PLOD1: variants seen among roughly 807,000 people sequenced by gnomAD.
PLOD1 encodes the protein procollagen-lysine,2-oxoglutarate 5-dioxygenase 1, also known as lysine hydroxylase.
PLOD1 carries 70 observed loss-of-function variants against 94.7 expected under a neutral mutation model. The ratio of observed to expected loss-of-function variants is 0.74; its 90% CI spans 0.61 to 0.90. The LOEUF (loss-of-function observed/expected upper bound fraction) is 0.90, where lower values mean the gene tolerates loss of function less well. PLOD1 is among the 40% of genes least tolerant of loss of function. The pLI, the probability that PLOD1 is intolerant of heterozygous loss-of-function variation, is 0.00. For missense variants in PLOD1, 905 were observed against 972.7 expected (o/e 0.93, Z 0.93); for synonymous variants, 417 against 400.2 (o/e 1.04, Z -0.50).
At chr1:11,934,960 G>C (rs1645568420) in intron 1 of PLOD1, 105 bp downstream of exon 1, 2 of 1,368,338 alleles carry the variant, frequency 1.5e-6, no homozygotes, top group African/African-American at 3.0e-5. Flanking sequence ...GGCTGGAGAG[G>C]GAGTCTGGGT....
At position 11,957,468 on chromosome 1, in the gene PLOD1, A is replaced by G. The variant is rs528725579; in HGVS notation, c.742-374A>G. Among the ~76,000 whole-genome samples, 3 of 152,362 alleles carry G rather than the reference A, an allele frequency of 2.0e-5. No homozygotes were observed. The highest frequency in any genetic ancestry group is 2.1e-4 in the South Asian group (1 of 4,834). The stretch of plus-strand genomic sequence containing the variant: ...TCACTGGTCCCTGGGGAACTGGCTC[A>G]TAGCTCATAGCATATTTGAGTGTGG... On this transcript the variant is annotated intron_variant, in intron 7 of 18. Transcript: ENST00000196061. The surrounding 1 kb of genome is among the most constrained non-coding windows in gnomAD (Gnocchi z 4.1).
intron 1 of PLOD1, among the ~76,000 whole-genome samples, chr1:11,941,981 C>T (rs1244629115): frequency 7.2e-6 from 1 of 138,436 alleles, no homozygotes; most frequent in African/African-American, 3.1e-5. Flanking sequence ...CCACTGTGCC[C>T]GGCCTTTTTT....
chr1:11,956,888 T>G, intron 6 of PLOD1, 29 bp from the exon 7 acceptor site: 1 of 1,499,146 alleles, frequency 6.7e-7, no homozygotes, highest in Non-Finnish European at 9.3e-7. Flanking sequence ...GGTCTGATGC[T>G]GGGTGGGACT....
chr1:11,935,918 C>T (rs935535484), intron 1 of PLOD1, among the ~76,000 whole-genome samples: 3 of 151,186 alleles, frequency 2.0e-5, no homozygotes, highest in East Asian at 1.9e-4. Context: ...CCATCGCGCC[C>T]GGCCGGTTCA....
chr1:11,947,137 C>T (rs994314892), intron 1 of PLOD1, among the ~76,000 whole-genome samples: 4 of 151,618 alleles, frequency 2.6e-5, no homozygotes, highest in African/African-American at 2.4e-5. Context: ...GGCATGGTGG[C>T]GAGTGCCTGT....
In PLOD1 at chr1:11,950,364, G is replaced by A. The variant is rs141809154; in HGVS notation, c.310G>A (p.Val104Met). The A allele has an allele frequency of 9.9e-6, 16 of 1,614,080 alleles. No homozygotes were observed. The highest frequency in any genetic ancestry group is 4.0e-5 in the African/African-American group (3 of 75,046). The change falls in exon 4 of 19, where the codon GTG becomes ATG. Residue 104 changes from valine to methionine, a missense_variant. Val to Met is a conservative substitution (Grantham distance 21). Coordinates refer to ENST00000196061, the MANE Select transcript of PLOD1 (RefSeq NM_000302.4). ...TCGCTGCTCTGGCCACAGCTATGAC[G>A]TGCTGTTTGCATCGGGGCCCCGGGA... ...LVILFADSYD[V>M]LFASGPRELL... is the part of the protein sequence containing the mutation.
At chr1:11,944,173 T>C (rs534609782) in intron 1 of PLOD1, among the ~76,000 whole-genome samples, 1 of 151,578 alleles carries the variant, frequency 6.6e-6, no homozygotes, top group Non-Finnish European at 1.5e-5. Flanking sequence ...ATAGAGGTTG[T>C]AGTGAGACAA....
At chr1:11,943,576 C>T (rs184152475) in intron 1 of PLOD1, among the ~76,000 whole-genome samples, 13 of 152,298 alleles carry the variant, frequency 8.5e-5, no homozygotes, top group African/African-American at 2.9e-4. Flanking sequence ...CGATTACAGG[C>T]GTGAGTCACC....
chr1:11,966,991 G>A lies in PLOD1; in HGVS notation c.1655G>A (p.Cys552Tyr). ...CTGAGTCCCTGCCCTCCCCAGCCCT[G>A]CCCGGATGTCTATTGGTTCCCCATC... ...ALAGKLVETP[C>Y]PDVYWFPIFT... The change falls in exon 16 of 19, where the codon TGC becomes TAC. Residue 552 changes from cysteine (C) to tyrosine (Y), a missense_variant. Coordinates refer to ENST00000196061, the MANE Select transcript of PLOD1 (RefSeq NM_000302.4). The A allele has an allele frequency of 6.2e-7, 1 of 1,609,428 alleles. No individual in the cohort carries two copies. Among genetic ancestry groups the A allele is most frequent in the Non-Finnish European group, 8.5e-7 (1 of 1,175,696 alleles).
rs1364857976 is a variant in PLOD1 at position 11,967,048 on chromosome 1, A to AGGT, written c.1714_1715insTGG (p.Glu571_Glu572insVal). On this transcript the variant is annotated inframe_insertion, in exon 16 of 19. Transcript: ENST00000196061. The stretch of plus-strand genomic sequence containing the variant: ...GAGGTGGCCTGTGATGAGCTGGTGG[A>AGGT]GGAGATGGAGCACTTTGGCCAGTGG... 1.2e-6 allele frequency: 2 copies of AGGT among 1,613,872 alleles called. No homozygotes were observed. Among genetic ancestry groups the AGGT allele is most frequent in the Non-Finnish European group, 1.7e-6 (2 of 1,179,798 alleles).
Position 11,964,750 on chromosome 1 carries a change from C to T in PLOD1, c.1435C>T (p.Pro479Ser), listed in dbSNP as rs758780380. The change falls in exon 13 of 19, where the codon CCC (proline) becomes TCC (serine). Residue 479 changes from proline to serine, a missense_variant. Coordinates refer to ENST00000196061, the MANE Select transcript of PLOD1 (RefSeq NM_000302.4). ...SDLFHHSKLDPDMAFCANIRQ... is the reference protein window; with the variant it reads ...SDLFHHSKLDSDMAFCANIRQ... The stretch of plus-strand genomic sequence containing the variant: ...TCTCTTCCACCACAGCAAGCTGGAC[C>T]CCGACATGGCCTTCTGTGCCAACAT... 5 of 1,613,606 alleles carry T rather than the reference C, an allele frequency of 3.1e-6. No individual in the cohort carries two copies. In the Admixed American group the frequency reaches 6.7e-5, roughly 22 times the overall value.
intron 1 of PLOD1, among the ~76,000 whole-genome samples, chr1:11,941,093 G>A (rs78768354): frequency 0.12 from 18,234 of 152,186 alleles, 1,363 homozygotes; most frequent in African/African-American, 0.21. Context: ...TTCCTCACCC[G>A]AAGAAGCAGT....
At chr1:11,954,173 AATAT>A in intron 5 of PLOD1, 2 of 157,444 alleles carry the variant, frequency 1.3e-5, no homozygotes, top group Non-Finnish European at 2.8e-5. Flanking sequence ...ACTCGTGTAG[AATAT>A]TTGGAGTAGC....
rs758354658 is a variant in PLOD1 at position 11,963,442 on chromosome 1, T to G, written c.1098-90T>G. On this transcript the variant is annotated intron_variant, in intron 10 of 18. Transcript: ENST00000196061. The surrounding 1 kb of genome is among the most constrained non-coding windows in gnomAD (Gnocchi z 4.3). Reference sequence around the variant, plus strand: ...CCTCTCTAAAGCCCCTTGGCTGATATGTGGTGAAGCCAGACTGTGGTCACA... The same window carrying G: ...CCTCTCTAAAGCCCCTTGGCTGATAGGTGGTGAAGCCAGACTGTGGTCACA... 46 of 832,472 alleles carry G rather than the reference T, an allele frequency of 5.5e-5. No homozygotes were observed. The highest frequency in any genetic ancestry group is 8.3e-5 in the Non-Finnish European group (41 of 491,404). The allele number at this position is 832,472 out of a possible 1,614,324, so 51.6% of individuals were successfully genotyped here.
chr1:11,965,860 A>G (rs1645813605), intron 14 of PLOD1, among the ~76,000 whole-genome samples: 1 of 152,098 alleles, frequency 6.6e-6, no homozygotes, highest in African/African-American at 2.4e-5. Context: ...GACTTAGTTG[A>G]GCCTTCCAGC....
chr1:11,961,275 C>T (rs1219191183), intron 10 of PLOD1, among the ~76,000 whole-genome samples: 1 of 152,060 alleles, frequency 6.6e-6, no homozygotes, highest in African/African-American at 2.4e-5. Context: ...GTCCCAGCTA[C>T]TGAAGAAGCT....
Position 11,944,625 on chromosome 1 carries a change from T to C in PLOD1, c.77-3351T>C, listed in dbSNP as rs1397591568. ...GAGCTCGGGGGAGCCCTTCCCCAAG[T>C]GTGAGCAGCATCCCTCGTTTCTGGA... On this transcript the variant is annotated intron_variant, in intron 1 of 18. Coordinates refer to ENST00000196061, the MANE Select transcript of PLOD1 (RefSeq NM_000302.4). The C allele has an allele frequency of 1.8e-5, 25 of 1,364,798 alleles. No individual in the cohort carries two copies. Among genetic ancestry groups the C allele is most frequent in the Non-Finnish European group, 2.4e-5 (25 of 1,020,998 alleles). 84.5% of individuals were successfully genotyped at this position (1,364,798 alleles called of 1,614,324 possible).
intron 1 of PLOD1, among the ~76,000 whole-genome samples, chr1:11,943,300 C>CTTTCTT (rs112531381): frequency 0.065 from 9,208 of 141,374 alleles, 1,009 homozygotes; most frequent in African/African-American, 0.23. Context: ...TTTTTTCTTT[C>CTTTCTT]TTTTTTTTTT....
Position 11,955,048 on chromosome 1 carries a change from T to A in PLOD1, c.643+155T>A, listed in dbSNP as rs376437784. Among the ~76,000 whole-genome samples, 6 of 152,234 alleles carry A rather than the reference T, an allele frequency of 3.9e-5. No homozygotes were observed. In the East Asian group the frequency reaches 5.8e-4, roughly 15 times the overall value. ...CATCCCCAGGTCCCCAGGGGCCACT[T>A]GGATATCCTGGCGCAGAGCCATGTC... is the stretch of plus-strand genomic sequence containing the variant. On this transcript the variant is annotated intron_variant, in intron 6 of 18. Coordinates refer to ENST00000196061, the MANE Select transcript of PLOD1 (RefSeq NM_000302.4).
Sources: gnomAD v4.1 joint callset for allele counts (sites outside exome capture counted in the v4.1 genomes callset) on GRCh38, gnomAD v4.1.1 for gene constraint, Gnocchi (gnomAD v3.1) non-coding constraint, MANE v1.5 for transcripts, NCBI Gene and HGNC (gene_info 2026-07-23, HGNC 2026-07-21) for gene names.